Variants in CADM4 observed in about 807,000 individuals in gnomAD.
CADM4 encodes TSLC1-like 2.
A neutral mutation model predicts 43.9 loss-of-function variants in CADM4; 13 were observed. The observed-to-expected ratio is 0.30, with a 90% CI of 0.19 to 0.47. The LOEUF is 0.47. Ranked by LOEUF, CADM4 falls within the 20% of genes least tolerant of loss-of-function variation. The pLI is 1.00. For missense variants in CADM4, 420 were observed against 527.0 expected (o/e 0.80, Z 1.99); for synonymous variants, 209 against 220.9 (o/e 0.95, Z 0.48).
chr19:43,637,691 C>T (rs573455516), intron 1 of CADM4, among the ~76,000 whole-genome samples: 2 of 152,250 alleles, frequency 1.3e-5, no homozygotes, highest in African/African-American at 2.4e-5. Context: ...GGCTTTTGCA[C>T]GGGGCGGGTG....
Position 43,626,754 on chromosome 19 carries a change from C to A in CADM4, c.499+30G>T. On this transcript the variant is annotated intron_variant, in intron 4 of 8. Transcript: ENST00000222374. The surrounding 1 kb of genome is among the most constrained non-coding windows in gnomAD (Gnocchi z 5.9). ...CCTCTCCTAAGTCCCACCTCCTCCC[C>A]ATCCCTTGTCAGCACTCGGCCCAGG... The A allele has an allele frequency of 6.5e-7, 1 of 1,539,926 alleles. No homozygotes were observed. Among genetic ancestry groups the A allele is most frequent in the South Asian group, 1.2e-5 (1 of 81,856 alleles).
At chr19:43,624,006 G>C in intron 8 of CADM4, 108 bp downstream of exon 8, 1 of 1,402,772 alleles carries the variant, frequency 7.1e-7, no homozygotes, top group Non-Finnish European at 9.7e-7. Flanking sequence ...GGCGGGATTT[G>C]GAATCCAGAG....
chr19:43,624,239 G>T lies in CADM4; in HGVS notation c.932C>A (p.Pro311His), dbSNP rs1353201142. ...RALYVLVVYD[P>H]GAVVEAQTSV... ...CGTCTGAGCCTCTACCACCGCACCA[G>T]GGTCTGCCAGAGGGACACGGCACAG... Residue 311 changes from proline to histidine, a missense_variant, in exon 8 of 9, where the codon CCT becomes CAT. Coordinates refer to ENST00000222374, the MANE Select transcript of CADM4 (RefSeq NM_145296.2). 3.7e-6 allele frequency: 6 copies of T among 1,614,166 alleles called. No individual in the cohort carries two copies. The highest frequency in any genetic ancestry group is 5.1e-6 in the Non-Finnish European group (6 of 1,180,036).
rs1170958789 is a variant in CADM4, at chr19:43,627,286, ACTC to A, written c.241_243del (p.Glu81del). 1.2e-6 allele frequency: 2 copies of A among 1,607,470 alleles called. No individual in the cohort carries two copies. Among genetic ancestry groups the A allele is most frequent in the Non-Finnish European group, 1.7e-6 (2 of 1,176,832 alleles). ...CGGATCCGCACCCGGCGTGGGGAGA[ACTC>A]CTCAAGCTGGAAACGCTCATCCTTC... On this transcript the variant is annotated inframe_deletion, in exon 3 of 9. Transcript: ENST00000222374. This position sits in a 1 kb window ranked among gnomAD's most constrained non-coding sequence, Gnocchi z 4.0.
In CADM4 at chr19:43,627,236, G is replaced by A; in HGVS notation, c.294C>T (p.Asp98=). The change falls in exon 3 of 9, where the codon GAC becomes GAT. Residue 98 remains aspartate (D), a synonymous_variant. Coordinates refer to ENST00000222374, the MANE Select transcript of CADM4 (RefSeq NM_145296.2). This position sits in a 1 kb window ranked among gnomAD's most constrained non-coding sequence, Gnocchi z 4.0. Reference sequence around the variant, plus strand: ...AGAGCTGGCAGAAATAGCCCCCCTCGTCCTCCAGGCGGGCATCTGAGAGCC... The same window carrying A: ...AGAGCTGGCAGAAATAGCCCCCCTCATCCTCCAGGCGGGCATCTGAGAGCC... The part of the protein sequence containing the change: ...RIRLSDARLE[D]EGGYFCQLYT... 2 of 1,603,134 alleles carry A rather than the reference G, an allele frequency of 1.2e-6. No homozygotes were observed. The highest frequency in any genetic ancestry group is 2.3e-5 in the East Asian group (1 of 44,084).
intron 1 of CADM4, among the ~76,000 whole-genome samples, chr19:43,630,266 T>C (rs1474739466): frequency 6.8e-6 from 1 of 146,672 alleles, no homozygotes; most frequent in Non-Finnish European, 1.5e-5. Flanking sequence ...TTTCCCCCAT[T>C]TCCATTTTTC....
rs149657469 is a variant in CADM4, at chr19:43,632,995, C to T, written c.65-5205G>A. 4.4e-3 allele frequency among the ~76,000 whole-genome samples: 673 copies of T among 151,386 alleles called. 1 individual carries two copies. Among genetic ancestry groups the T allele is most frequent in the Non-Finnish European group, 7.4e-3 (502 of 67,806 alleles). On this transcript the variant is annotated intron_variant, in intron 1 of 8. Coordinates refer to ENST00000222374, the MANE Select transcript of CADM4 (RefSeq NM_145296.2). The stretch of plus-strand genomic sequence containing the variant: ...GAGGCTGAGGCAGAATTGCTTGAAC[C>T]CAGGAGGCAGAGGTTGCAGTGAGCC...
Position 43,636,459 on chromosome 19 carries a change from C to A in CADM4, c.64+3268G>T, listed in dbSNP as rs78114160. ...GAAGAGCCCAGGCTCAGCACCTGCC[C>A]CTTGCCCCACTGGGTGCCCACGGAG... is the stretch of plus-strand genomic sequence containing the variant. On this transcript the variant is annotated intron_variant, in intron 1 of 8. Coordinates refer to ENST00000222374, the MANE Select transcript of CADM4 (RefSeq NM_145296.2). Among the ~76,000 whole-genome samples, 197 of 152,284 alleles carry A rather than the reference C, an allele frequency of 1.3e-3. 7 individuals carry two copies. The East Asian group carries it at 0.035, about 27-fold the overall frequency.
At chr19:43,624,950 C>A (rs1026436626) in intron 7 of CADM4, 128 bp downstream of exon 7, 43 of 1,056,820 alleles carry the variant, frequency 4.1e-5, no homozygotes, top group East Asian at 2.7e-5. Flanking sequence ...GCGGGCCAGT[C>A]TGGTCCCAAA....
At chr19:43,641,288 C>T (rs1159652608), upstream of CADM4, among the ~76,000 whole-genome samples, 1 of 152,122 alleles carries the variant, frequency 6.6e-6, no homozygotes. Context: ...CTTTTTATTC[C>T]GACTAAAAAA....
At chr19:43,632,922 TA>T (rs1031927120) in intron 1 of CADM4, among the ~76,000 whole-genome samples, 212 of 151,706 alleles carry the variant, frequency 1.4e-3, no homozygotes, top group African/African-American at 5.0e-3. Flanking sequence ...CCGTCTCTAC[TA>T]AAAAAATACA....
At chr19:43,629,745 A>G (rs942030253) in intron 1 of CADM4, among the ~76,000 whole-genome samples, 1 of 151,758 alleles carries the variant, frequency 6.6e-6, no homozygotes, top group African/African-American at 2.4e-5. Flanking sequence ...CAGCCTCCCA[A>G]GTAGCTGGAA....
rs772620057 is a variant in CADM4 at position 43,624,214 on chromosome 19, C to A, written c.957G>T (p.Thr319=). ...YDPGAVVEAQ[T]SVPYAIVGGI... is the part of the protein sequence containing the mutation. Reference sequence around the variant, plus strand: ...CGCCCACAATGGCATAGGGAACCGACGTCTGAGCCTCTACCACCGCACCAG... The same window carrying A: ...CGCCCACAATGGCATAGGGAACCGAAGTCTGAGCCTCTACCACCGCACCAG... The change falls in exon 8 of 9, where the codon ACG becomes ACT. Residue 319 remains threonine (T), a synonymous_variant. Transcript: ENST00000222374. 1 of 1,614,216 alleles carries A rather than the reference C, an allele frequency of 6.2e-7. No homozygotes were observed.
chr19:43,630,408 C>T (rs1973604196), intron 1 of CADM4, among the ~76,000 whole-genome samples: 1 of 151,070 alleles, frequency 6.6e-6, no homozygotes, highest in South Asian at 2.1e-4. Flanking sequence ...GCCTCAGCCT[C>T]CCAAGTAGCT....
Position 43,627,367 on chromosome 19 carries a change from C to G in CADM4, c.212-49G>C. On this transcript the variant is annotated intron_variant, in intron 2 of 8. Transcript: ENST00000222374. This position sits in a 1 kb window ranked among gnomAD's most constrained non-coding sequence, Gnocchi z 4.0. ...GTGAATTTCGGGAGTCCTGGCCTCA[C>G]AAGTCCCACCCTTCCGACAGGAGCT... The G allele has an allele frequency of 1.3e-6, 2 of 1,517,650 alleles. No individual in the cohort carries two copies. Among genetic ancestry groups the G allele is most frequent in the Non-Finnish European group, 1.8e-6 (2 of 1,129,112 alleles). 94.0% of individuals were successfully genotyped at this position (1,517,650 alleles called of 1,614,324 possible).
intron 8 of CADM4, 27 bp downstream of exon 8, chr19:43,624,087 G>A: frequency 1.2e-6 from 2 of 1,613,232 alleles, no homozygotes; most frequent in Non-Finnish European, 1.7e-6. Flanking sequence ...CCAACCAACC[G>A]TAGAGTCCAG....
chr19:43,627,382 C>A lies in CADM4; in HGVS notation c.212-64G>T. The A allele has an allele frequency of 1.3e-6, 2 of 1,499,256 alleles. No individual in the cohort carries two copies. Among genetic ancestry groups the A allele is most frequent in the South Asian group, 1.3e-5 (1 of 74,322 alleles). The allele number at this position is 1,499,256 out of a possible 1,614,324, so 92.9% of individuals were successfully genotyped here. ...CCTGGCCTCACAAGTCCCACCCTTC[C>A]GACAGGAGCTTAGAGTCCAGCCCTC... On this transcript the variant is annotated intron_variant, in intron 2 of 8. Coordinates refer to ENST00000222374, the MANE Select transcript of CADM4 (RefSeq NM_145296.2). The surrounding 1 kb of genome is among the most constrained non-coding windows in gnomAD (Gnocchi z 4.0).
intron 1 of CADM4, among the ~76,000 whole-genome samples, chr19:43,637,262 G>A (rs969961831): frequency 1.3e-5 from 2 of 152,158 alleles, no homozygotes; most frequent in Non-Finnish European, 2.9e-5. Flanking sequence ...GGCTGGGCAA[G>A]GTGAGAGAGG....
chr19:43,623,642 G>A lies in CADM4; in HGVS notation c.1058-203C>T, dbSNP rs1401359213. On this transcript the variant is annotated intron_variant, in intron 8 of 8. Transcript: ENST00000222374. The surrounding 1 kb of genome is among the most constrained non-coding windows in gnomAD (Gnocchi z 4.4). ...AAGCAGAATTAGGAAGACTCCAAAA[G>A]CTCACCGAAAGTGCCACCCTTATCC... is the stretch of plus-strand genomic sequence containing the variant. Among the ~76,000 whole-genome samples, 1 of 152,194 alleles carries A rather than the reference G, an allele frequency of 6.6e-6. No homozygotes were observed. The highest frequency in any genetic ancestry group is 1.5e-5 in the Non-Finnish European group (1 of 68,026).
Sources: gnomAD v4.1 joint callset for allele counts (sites outside exome capture counted in the v4.1 genomes callset) on GRCh38, gnomAD v4.1.1 for gene constraint, Gnocchi (gnomAD v3.1) non-coding constraint, MANE v1.5 for transcripts, NCBI Gene and HGNC (gene_info 2026-07-23, HGNC 2026-07-21) for gene names.